ZFYVE28: variants seen among roughly 807,000 people sequenced by gnomAD.
ZFYVE28 encodes the protein zinc finger FYVE-type containing 28.
A neutral mutation model predicts 82.1 loss-of-function variants in ZFYVE28; 40 were observed. The observed-to-expected ratio is 0.49, with a 90% confidence interval of 0.38 to 0.63. ZFYVE28 has a LOEUF of 0.63. Ranked by LOEUF, ZFYVE28 falls within the 30% of genes least tolerant of loss-of-function variation. The pLI is 0.00. For synonymous variants in ZFYVE28, 612 were observed against 546.1 expected (o/e 1.12, Z -1.68); for missense variants, 1,321 against 1,242.1 (o/e 1.06, Z -0.96).
chr4:2,307,629 C>A (rs1156791095), intron 7 of ZFYVE28, among the ~76,000 whole-genome samples: 1 of 151,992 alleles, frequency 6.6e-6, no homozygotes, highest in East Asian at 1.9e-4. Context: ...ACTACAGGTG[C>A]AGACCACCGT....
In ZFYVE28 at chr4:2,305,178, G is replaced by C; in HGVS notation, c.1162C>G (p.Pro388Ala). ...TCGTCACTGCCTGACCGCAGGCGCGGTCTACCTGGAGAGGCCTCCCCGCCT... is the reference window on the plus strand; with the variant it reads ...TCGTCACTGCCTGACCGCAGGCGCGCTCTACCTGGAGAGGCCTCCCCGCCT... ...SPGGEASPGR[P>A]RLRSGSDEEE... Residue 388 changes from proline to alanine, a missense_variant, in exon 8 of 13, where the codon CCG becomes GCG. By Grantham distance (27) the Pro-to-Ala change is conservative. Transcript: ENST00000290974. 1 of 1,596,622 alleles carries C rather than the reference G, an allele frequency of 6.3e-7. No individual in the cohort carries two copies. Among genetic ancestry groups the C allele is most frequent in the Non-Finnish European group, 8.6e-7 (1 of 1,169,030 alleles).
intron 8 of ZFYVE28, among the ~76,000 whole-genome samples, chr4:2,274,841 C>A (rs1447878576): frequency 6.6e-6 from 1 of 152,188 alleles, no homozygotes; most frequent in African/African-American, 2.4e-5. Context: ...CGGCCCCAAC[C>A]CAAGGAACAC....
chr4:2,317,789 C>A (rs368506181), intron 7 of ZFYVE28, among the ~76,000 whole-genome samples: 2 of 152,138 alleles, frequency 1.3e-5, no homozygotes, highest in Admixed American at 6.5e-5. Context: ...TCCGCCACCA[C>A]GCCCAGCTAA....
At chr4:2,401,316 T>C (rs1731150183) in intron 1 of ZFYVE28, among the ~76,000 whole-genome samples, 1 of 151,992 alleles carries the variant, frequency 6.6e-6, no homozygotes, top group Non-Finnish European at 1.5e-5. Context: ...ACCCCAGGGG[T>C]GCCCCAGTTA....
intron 1 of ZFYVE28, among the ~76,000 whole-genome samples, chr4:2,379,582 C>T (rs1222276942): frequency 1.3e-5 from 2 of 152,146 alleles, no homozygotes; most frequent in Non-Finnish European, 2.9e-5. Flanking sequence ...ATAAATAGGG[C>T]AGGACTCCTC....
chr4:2,290,871 GGACACAGTGAAGCCCAGGCCTA>G (rs1052775937), intron 8 of ZFYVE28, among the ~76,000 whole-genome samples: 1 of 152,210 alleles, frequency 6.6e-6, no homozygotes, highest in African/African-American at 2.4e-5. Context: ...TGGACTCTGG[GGACACAGTGAAGCCCAGGCCTA>G]GACACAGCCC....
intron 8 of ZFYVE28, among the ~76,000 whole-genome samples, chr4:2,302,397 G>A (rs1715693918): frequency 6.6e-6 from 1 of 152,230 alleles, no homozygotes; most frequent in Non-Finnish European, 1.5e-5. Flanking sequence ...AACCTGCTGT[G>A]AGGAAATGGT....
intron 6 of ZFYVE28, among the ~76,000 whole-genome samples, chr4:2,326,234 A>G (rs1719836301): frequency 6.6e-6 from 1 of 152,180 alleles, no homozygotes; most frequent in Admixed American, 6.5e-5. Context: ...GATTTTTTAT[A>G]TGGTGTGAGA....
chr4:2,372,030 G>T lies in ZFYVE28; in HGVS notation c.40-17957C>A, dbSNP rs1053763388. The stretch of plus-strand genomic sequence containing the variant: ...AGCTGGGGGCTGGCAGGGGTGCAAG[G>T]CCATGCACGAGCCTCAGGTCAGCCC... On this transcript the variant is annotated intron_variant, in intron 1 of 12. Coordinates refer to ENST00000290974, the MANE Select transcript of ZFYVE28 (RefSeq NM_020972.3). This position sits in a 1 kb window ranked among gnomAD's most constrained non-coding sequence, Gnocchi z 5.2. Among the ~76,000 whole-genome samples, 1 of 152,248 alleles carries T rather than the reference G, an allele frequency of 6.6e-6. No homozygotes were observed. The highest frequency in any genetic ancestry group is 1.5e-5 in the Non-Finnish European group (1 of 68,054).
intron 7 of ZFYVE28, among the ~76,000 whole-genome samples, chr4:2,311,481 G>A (rs1322015359): frequency 1.1e-4 from 17 of 152,148 alleles, no homozygotes; most frequent in South Asian, 8.3e-4. Flanking sequence ...AGCCGAGATC[G>A]CACCACTGTA....
chr4:2,359,959 G>A (rs1420774196), intron 1 of ZFYVE28, among the ~76,000 whole-genome samples: 1 of 152,200 alleles, frequency 6.6e-6, no homozygotes, highest in African/African-American at 2.4e-5. Context: ...CCACCTGGAA[G>A]GACAGCCCCC....
At chr4:2,350,569 G>A (rs573109784) in intron 2 of ZFYVE28, among the ~76,000 whole-genome samples, 89 of 152,320 alleles carry the variant, frequency 5.8e-4, no homozygotes, top group Admixed American at 2.2e-3. Context: ...ACTCTCCAGA[G>A]TGATAGGAGT....
At chr4:2,298,623 C>T (rs1159116026) in intron 8 of ZFYVE28, among the ~76,000 whole-genome samples, 1 of 152,208 alleles carries the variant, frequency 6.6e-6, no homozygotes, top group Non-Finnish European at 1.5e-5. Context: ...CTACCTAGAG[C>T]AACGGCCAGA....
In ZFYVE28 at chr4:2,341,553, G is replaced by C. The variant is rs202069786; in HGVS notation, c.243C>G (p.Pro81=). The C allele has an allele frequency of 2.5e-6, 4 of 1,614,084 alleles. No homozygotes were observed. The highest frequency in any genetic ancestry group is 3.4e-6 in the Non-Finnish European group (4 of 1,180,018). ...MDECIPQDRA[P]RDFCVKFPEE... ...CAGGGAACTTGACGCAGAAATCTCT[G>C]GGGGCGCGGTCCTGGGGGATGCACT... Residue 81 remains proline (P), a synonymous_variant, in exon 3 of 13, where the codon CCC becomes CCG. Coordinates refer to ENST00000290974, the MANE Select transcript of ZFYVE28 (RefSeq NM_020972.3). The surrounding 1 kb of genome is among the most constrained non-coding windows in gnomAD (Gnocchi z 4.5).
At chr4:2,313,247 G>A (rs1473110587) in intron 7 of ZFYVE28, among the ~76,000 whole-genome samples, 2 of 150,998 alleles carry the variant, frequency 1.3e-5, no homozygotes, top group Non-Finnish European at 2.9e-5. Flanking sequence ...TGGTCCACAT[G>A]CTTTTTTTTT....
At chr4:2,381,458 G>A (rs1347386190) in intron 1 of ZFYVE28, among the ~76,000 whole-genome samples, 1 of 152,208 alleles carries the variant, frequency 6.6e-6, no homozygotes, top group Non-Finnish European at 1.5e-5. Context: ...CCAGGCTGGA[G>A]TGCAATGGTG....
chr4:2,373,296 A>C (rs559393576), intron 1 of ZFYVE28, among the ~76,000 whole-genome samples: 28 of 152,272 alleles, frequency 1.8e-4, no homozygotes, highest in African/African-American at 6.5e-4. Flanking sequence ...CCAGGAGTTC[A>C]AGACCAGCCT....
chr4:2,326,342 A>T (rs1189920206), intron 6 of ZFYVE28, among the ~76,000 whole-genome samples: 1 of 152,152 alleles, frequency 6.6e-6, no homozygotes, highest in Admixed American at 6.5e-5. Context: ...CTTTGCTGAA[A>T]ATTAGTTGGG....
At chr4:2,337,010 G>T (rs957465771) in intron 5 of ZFYVE28, among the ~76,000 whole-genome samples, 1 of 137,310 alleles carries the variant, frequency 7.3e-6, no homozygotes, top group East Asian at 2.7e-4. Context: ...GGGAAGTGAG[G>T]AGGTGAGGAG....
Sources: gnomAD v4.1 joint callset for allele counts (sites outside exome capture counted in the v4.1 genomes callset) on GRCh38, gnomAD v4.1.1 for gene constraint, Gnocchi (gnomAD v3.1) non-coding constraint, MANE v1.5 for transcripts, NCBI Gene and HGNC (gene_info 2026-07-23, HGNC 2026-07-21) for gene names.